The following PCDHA13 variants were observed in gnomAD, a reference collection of about 807,000 sequenced individuals.
PCDHA13 encodes protocadherin alpha-13.
In PCDHA13, 54 loss-of-function variants were observed where a neutral mutation model predicts 64.8. That is an observed-to-expected ratio of 0.83 (90% CI 0.67 to 1.04). The LOEUF is 1.04. Ranked by LOEUF, PCDHA13 falls within the 50% of genes least tolerant of loss-of-function variation. The probability of loss-of-function intolerance (pLI) is 0.00; values close to 1 mark genes in which losing one functional copy is unlikely to be tolerated. For missense variants in PCDHA13, 1,248 were observed against 1,254.3 expected (o/e 0.99, Z 0.08); for synonymous variants, 587 against 564.4 (o/e 1.04, Z -0.57).
intron 1 of PCDHA13, among the ~76,000 whole-genome samples, chr5:140,921,878 A>C (rs2153562324): frequency 6.6e-6 from 1 of 152,204 alleles, no homozygotes; most frequent in South Asian, 2.1e-4. Context: ...TATATATATA[A>C]GATTTTAGAA....
At chr5:140,972,622 T>C (rs1554234253) in intron 1 of PCDHA13, among the ~76,000 whole-genome samples, 1 of 151,940 alleles carries the variant, frequency 6.6e-6, no homozygotes, top group African/African-American at 2.4e-5. Flanking sequence ...CTGAATGTTG[T>C]TGGCACTCCC....
intron 3 of PCDHA13, among the ~76,000 whole-genome samples, chr5:141,003,398 G>A (rs1282074480): frequency 1.3e-5 from 2 of 152,114 alleles, no homozygotes; most frequent in African/African-American, 4.8e-5. Flanking sequence ...TGAAACCTCC[G>A]CCTCCCGGGT....
intron 1 of PCDHA13, among the ~76,000 whole-genome samples, chr5:140,903,619 A>T (rs1272385465): frequency 1.3e-5 from 2 of 152,226 alleles, no homozygotes; most frequent in African/African-American, 2.4e-5. Flanking sequence ...ATGAATGTGC[A>T]TGCATATGTA....
At position 141,010,305 on chromosome 5, in the gene PCDHA13, G is replaced by GT; in HGVS notation, c.*372dup. 1 of 1,548,478 alleles carries GT rather than the reference G, an allele frequency of 6.5e-7. No homozygotes were observed. Among genetic ancestry groups the GT allele is most frequent in the Non-Finnish European group, 8.7e-7 (1 of 1,146,036 alleles). On this transcript the variant is annotated 3_prime_UTR_variant, in exon 4 of 4. Transcript: ENST00000289272. ...TGACACTTGCAGGGCAGGCTGAAAAGTTTTGAGATTGAGCAGCTTGGGAGT... is the reference window on the plus strand; with the variant it reads ...TGACACTTGCAGGGCAGGCTGAAAAGTTTTTGAGATTGAGCAGCTTGGGAGT...
chr5:140,912,113 A>C (rs1477558453), intron 1 of PCDHA13, among the ~76,000 whole-genome samples: 3 of 152,182 alleles, frequency 2.0e-5, no homozygotes, highest in African/African-American at 7.2e-5. Flanking sequence ...GTAGGCTGGG[A>C]GGCTAAGTCA....
chr5:140,946,294 A>G (rs529202868), intron 1 of PCDHA13, among the ~76,000 whole-genome samples: 1 of 152,056 alleles, frequency 6.6e-6, no homozygotes, highest in Admixed American at 6.5e-5. Flanking sequence ...ATCACCTCAC[A>G]CCTGGTAGAA....
At chr5:140,994,817 T>C (rs1362838008) in intron 3 of PCDHA13, among the ~76,000 whole-genome samples, 3 of 152,068 alleles carry the variant, frequency 2.0e-5, no homozygotes, top group African/African-American at 7.2e-5. Context: ...TACAAAAAAC[T>C]GAATTGTGTA....
chr5:140,928,428 C>T (rs1273911750), intron 1 of PCDHA13: 2 of 1,614,026 alleles, frequency 1.2e-6, no homozygotes, highest in Non-Finnish European at 8.5e-7. Flanking sequence ...CCAAAACTTC[C>T]TTTGACTTTG....
chr5:140,961,515 C>T (rs2095619049), intron 1 of PCDHA13, among the ~76,000 whole-genome samples: 1 of 152,092 alleles, frequency 6.6e-6, no homozygotes, highest in Admixed American at 6.5e-5. Flanking sequence ...TTTAATGTCT[C>T]CACAAATTCT....
chr5:140,928,834 T>G, intron 1 of PCDHA13: 3 of 1,614,178 alleles, frequency 1.9e-6, no homozygotes, highest in Non-Finnish European at 2.5e-6. Flanking sequence ...ACCACTTTCC[T>G]CCTCTGTCAC....
intron 1 of PCDHA13, among the ~76,000 whole-genome samples, chr5:140,977,783 T>TATATGA (rs1488853966): frequency 1.3e-5 from 2 of 152,252 alleles, no homozygotes; most frequent in African/African-American, 4.8e-5. Context: ...TTAAAGGAAC[T>TATATGA]ATATGAATGA....
In PCDHA13 at chr5:140,882,505, G is replaced by A. The variant is rs782409687; in HGVS notation, c.237G>A (p.Leu79=). The A allele has an allele frequency of 8.1e-6, 13 of 1,614,168 alleles. No individual in the cohort carries two copies. Among genetic ancestry groups the A allele is most frequent in the South Asian group, 2.2e-5 (2 of 91,082 alleles). Residue 79 remains leucine, a synonymous_variant, in exon 1 of 4, where the codon CTG becomes CTA. Coordinates refer to ENST00000289272, the MANE Select transcript of PCDHA13 (RefSeq NM_018904.3). ...ACGGGGACCTTCTGGAGGTAAATCT[G>A]CAGAATGGCATTTTGTTTGTGAATT... The part of the protein sequence containing the change: ...KRHGDLLEVN[L]QNGILFVNSR...
chr5:140,905,995 G>C (rs2072280853), intron 1 of PCDHA13, among the ~76,000 whole-genome samples: 1 of 152,114 alleles, frequency 6.6e-6, no homozygotes. Context: ...ATGTAGGCTG[G>C]GAGGCTAAGC....
intron 1 of PCDHA13, chr5:140,968,608 T>C: frequency 6.2e-7 from 1 of 1,614,242 alleles, no homozygotes; most frequent in South Asian, 1.1e-5. Context: ...ACTCAGACTC[T>C]GGGCAAAATG....
chr5:140,927,432 C>G lies in PCDHA13; in HGVS notation c.2394+42770C>G, dbSNP rs781874569. The G allele has an allele frequency of 6.8e-6, 11 of 1,614,124 alleles. No homozygotes were observed. The East Asian group carries it at 2.5e-4, about 36-fold the overall frequency. On this transcript the variant is annotated intron_variant, in intron 1 of 3. Transcript: ENST00000289272. Reference sequence around the variant, plus strand: ...ACATGGGATCGCGGGTTGACGGCAGCGAATACCCGGAGTTGGTGTTGGAGA... The same window carrying G: ...ACATGGGATCGCGGGTTGACGGCAGGGAATACCCGGAGTTGGTGTTGGAGA...
chr5:140,920,282 T>C (rs1554199556), intron 1 of PCDHA13, among the ~76,000 whole-genome samples: 1 of 152,218 alleles, frequency 6.6e-6, no homozygotes, highest in African/African-American at 2.4e-5. Context: ...TAATCTTATA[T>C]TTTTTAGAGG....
chr5:140,904,499 A>G (rs1554191555), intron 1 of PCDHA13, among the ~76,000 whole-genome samples: 1 of 151,770 alleles, frequency 6.6e-6, no homozygotes, highest in Non-Finnish European at 1.5e-5. Flanking sequence ...AATTTTTACA[A>G]TTGTGAATTG....
chr5:140,979,125 C>T (rs782380399), intron 2 of PCDHA13, 118 bp downstream of exon 2: 4 of 1,479,726 alleles, frequency 2.7e-6, no homozygotes, highest in African/African-American at 2.8e-5. Context: ...GGTACTTTGC[C>T]AGGAAAATGC....
intron 1 of PCDHA13, chr5:140,968,952 T>C: frequency 1.2e-6 from 2 of 1,614,192 alleles, no homozygotes; most frequent in Non-Finnish European, 1.7e-6. Context: ...TTGAGCATCA[T>C]CAAGTGCTAC....
Sources: gnomAD v4.1 joint callset for allele counts (sites outside exome capture counted in the v4.1 genomes callset) on GRCh38, gnomAD v4.1.1 for gene constraint, MANE v1.5 for transcripts, NCBI Gene and HGNC (gene_info 2026-07-23, HGNC 2026-07-21) for gene names.